Variants in PM20D2 observed in about 807,000 individuals in gnomAD.
PM20D2 encodes the protein xaa-Arg dipeptidase.
A neutral mutation model predicts 42.9 loss-of-function variants in PM20D2; 33 were observed. The ratio of observed to expected loss-of-function variants is 0.77; its 90% CI spans 0.58 to 1.03. The LOEUF (loss-of-function observed/expected upper bound fraction) is 1.03. Ranked by LOEUF, PM20D2 falls within the 50% of genes least tolerant of loss-of-function variation. The probability of loss-of-function intolerance (pLI) is 0.00; values close to 1 mark genes in which losing one functional copy is unlikely to be tolerated. For missense variants in PM20D2, 548 were observed against 557.0 expected, an observed-to-expected ratio of 0.98 and a Z score of 0.16; for synonymous variants, 250 against 228.2, an observed-to-expected ratio of 1.10 and a Z score of -0.86.
the PM20D2 span, chr6:89,098,753 G>A: frequency 6.2e-7 from 1 of 1,613,940 alleles, no homozygotes. Context: ...TCCTGAGCTA[G>A]TCTGCTTTTG....
Position 89,146,336 on chromosome 6 carries a change from C to A in PM20D2, c.192C>A (p.His64Gln), listed in dbSNP as rs766946528. ...EEHHAHRVLT[H>Q]FFEREPPAAS... is the part of the protein sequence containing the mutation. ...ACCATGCCCACCGCGTGCTGACGCA[C>A]TTCTTCGAGCGGGAGCCGCCCGCGG... is the stretch of plus-strand genomic sequence containing the variant. The change falls in exon 1 of 7, where the codon CAC (histidine) becomes CAA (glutamine). Residue 64 changes from histidine (H) to glutamine (Q), a missense_variant. Coordinates refer to ENST00000275072, the MANE Select transcript of PM20D2 (RefSeq NM_001010853.3). 3.8e-6 allele frequency: 6 copies of A among 1,568,508 alleles called. No individual in the cohort carries two copies. In the Admixed American group the frequency reaches 5.4e-5, roughly 14 times the overall value.
chr6:89,118,166 G>A, the PM20D2 span: 1 of 151,880 alleles, frequency 6.6e-6, no homozygotes, highest in Non-Finnish European at 1.5e-5. Flanking sequence ...GGCCCTATGG[G>A]ATCCGGGTAT....
At chr6:89,100,545 A>G in the PM20D2 span, among the ~76,000 whole-genome samples, 1 of 151,646 alleles carries the variant, frequency 6.6e-6, no homozygotes, top group African/African-American at 2.4e-5. Context: ...AACAGGCAAG[A>G]ATAACTAAAA....
At chr6:89,135,846 G>A in the PM20D2 span, among the ~76,000 whole-genome samples, 1 of 151,130 alleles carries the variant, frequency 6.6e-6, no homozygotes, top group Non-Finnish European at 1.5e-5. Flanking sequence ...TTACATATCT[G>A]GTGACTAGAA....
chr6:89,155,350 C>T (rs1405878499), intron 4 of PM20D2, among the ~76,000 whole-genome samples: 1 of 139,476 alleles, frequency 7.2e-6, no homozygotes, highest in East Asian at 2.4e-4. Context: ...TCTTGGCTCA[C>T]TACAACCTCC....
the PM20D2 span, among the ~76,000 whole-genome samples, chr6:89,124,730 G>GTTTTTTT: frequency 6.9e-5 from 4 of 58,142 alleles, no homozygotes; most frequent in Non-Finnish European, 1.6e-4. Flanking sequence ...TGTTGTTGCT[G>GTTTTTTT]TTGTTGTTTT....
chr6:89,136,550 C>T, the PM20D2 span, among the ~76,000 whole-genome samples: 23 of 150,506 alleles, frequency 1.5e-4, 4 homozygotes, highest in African/African-American at 5.8e-4. Context: ...TGGTGGTGGG[C>T]GCCTGTAGTC....
the PM20D2 span, chr6:89,097,709 A>G: frequency 2.0e-5 from 3 of 152,314 alleles, no homozygotes; most frequent in East Asian, 5.8e-4. Flanking sequence ...GACTTGTTCC[A>G]TATAAAGTTG....
the PM20D2 span, among the ~76,000 whole-genome samples, chr6:89,131,458 C>T: frequency 4.0e-5 from 6 of 151,654 alleles, no homozygotes; most frequent in Admixed American, 1.3e-4. Context: ...GAGACTGAGG[C>T]GGGAAGATAA....
the PM20D2 span, among the ~76,000 whole-genome samples, chr6:89,132,300 T>TTTATAGAAAGAATTTCAGGCTGGATG: frequency 3.8e-4 from 58 of 151,674 alleles, no homozygotes; most frequent in African/African-American, 1.3e-3. Flanking sequence ...TTCCCTCCAC[T>TTTATAGAAAGAATTTCAGGCTGGATG]CAAACTTCCT....
chr6:89,105,609 A>G, the PM20D2 span: 3 of 1,023,542 alleles, frequency 2.9e-6, no homozygotes, highest in Non-Finnish European at 4.1e-6. Context: ...ATGTGAAATG[A>G]AATTAATAGG....
At chr6:89,152,910 C>T (rs953355055) in intron 2 of PM20D2, 133 bp from the exon 3 acceptor site, 11 of 640,640 alleles carry the variant, frequency 1.7e-5, no homozygotes, top group Non-Finnish European at 2.8e-5. Flanking sequence ...GTTATTACTA[C>T]AAATAATTTG....
chr6:89,142,209 C>T (rs1431887219), upstream of PM20D2, among the ~76,000 whole-genome samples: 1 of 152,176 alleles, frequency 6.6e-6, no homozygotes, highest in Non-Finnish European at 1.5e-5. Context: ...CACCTACTCT[C>T]TTAGTTGTCT....
the PM20D2 span, among the ~76,000 whole-genome samples, chr6:89,122,941 C>T: frequency 6.6e-6 from 1 of 152,208 alleles, no homozygotes; most frequent in African/African-American, 2.4e-5. Context: ...CATCATTCCA[C>T]ACAATCAGTT....
chr6:89,145,955 G>A (rs963894141), upstream of PM20D2: 3 of 439,124 alleles, frequency 6.8e-6, no homozygotes, highest in East Asian at 1.1e-4. Context: ...GGTAGGGTAC[G>A]AGCGGCCGCC....
the PM20D2 span, among the ~76,000 whole-genome samples, chr6:89,115,793 C>T: frequency 3.1e-5 from 3 of 95,632 alleles, no homozygotes; most frequent in Admixed American, 1.1e-4. Flanking sequence ...CCCGCCACCA[C>T]GCCCGTCTAA....
the PM20D2 span, among the ~76,000 whole-genome samples, chr6:89,100,810 A>G: frequency 6.6e-6 from 1 of 152,216 alleles, no homozygotes; most frequent in South Asian, 2.1e-4. Flanking sequence ...GATATAGCAG[A>G]AGAAATAATG....
At position 89,154,979 on chromosome 6, in the gene PM20D2, A is replaced by G. The variant is rs1770988437; in HGVS notation, c.912+77A>G. ...GCTAGCACTGTTAGATTGAAATCTA[A>G]CTTGACTCTCTTATTTGGTGACATG... On this transcript the variant is annotated intron_variant, in intron 4 of 6. Transcript: ENST00000275072. The G allele has an allele frequency of 5.7e-6, 7 of 1,237,430 alleles. No homozygotes were observed. The Admixed American group carries it at 1.8e-4, about 32-fold the overall frequency. The allele number at this position is 1,237,430 out of a possible 1,614,324, so 76.7% of individuals were successfully genotyped here.
At chr6:89,123,430 C>T in the PM20D2 span, among the ~76,000 whole-genome samples, 1 of 152,100 alleles carries the variant, frequency 6.6e-6, no homozygotes, top group South Asian at 2.1e-4. Context: ...GTTTTATGGA[C>T]AGAAGGAGAG....
Sources: allele counts gnomAD v4.1 joint callset (sites outside exome capture counted in the v4.1 genomes callset), GRCh38; gene constraint gnomAD v4.1.1; transcripts MANE v1.5; gene names NCBI Gene and HGNC (gene_info 2026-07-23, HGNC 2026-07-21).